The following PTGER3 variants were observed in gnomAD, a reference collection of about 807,000 sequenced individuals.
The protein encoded by PTGER3 is prostaglandin E2 receptor EP3 subtype.
PTGER3 carries 22 observed loss-of-function variants against 34.7 expected under a neutral mutation model. The observed-to-expected ratio is 0.63, with a 90% CI of 0.45 to 0.91. The LOEUF (loss-of-function observed/expected upper bound fraction) is 0.91. Ranked by LOEUF, PTGER3 falls within the 40% of genes least tolerant of loss-of-function variation. The pLI, the probability that PTGER3 is intolerant of heterozygous loss-of-function variation, is 0.00. For missense variants in PTGER3, 468 were observed against 519.4 expected (o/e 0.90, Z 0.96); for synonymous variants, 241 against 230.1 (o/e 1.05, Z -0.43).
chr1:70,977,892 A>G (rs941576587), intron 2 of PTGER3, among the ~76,000 whole-genome samples: 5 of 151,970 alleles, frequency 3.3e-5, no homozygotes, highest in Admixed American at 2.0e-4. Flanking sequence ...AGGTGCTCCT[A>G]ATTCCTCTCC....
intron 2 of PTGER3, among the ~76,000 whole-genome samples, chr1:70,996,351 A>G (rs572329254): frequency 6.6e-6 from 1 of 152,274 alleles, no homozygotes; most frequent in South Asian, 2.1e-4. Context: ...AATGTCTTTA[A>G]GAATAATTTT....
intron 1 of PTGER3, among the ~76,000 whole-genome samples, chr1:71,019,070 G>A (rs1658171088): frequency 6.6e-6 from 1 of 152,194 alleles, no homozygotes; most frequent in South Asian, 2.1e-4. Flanking sequence ...GCATCCATCT[G>A]TTGAGTCTTT....
intron 4 of PTGER3, among the ~76,000 whole-genome samples, chr1:70,929,553 T>C (rs972816373): frequency 1.3e-5 from 2 of 152,172 alleles, no homozygotes; most frequent in African/African-American, 4.8e-5. Flanking sequence ...AAAATAACAT[T>C]GCTTTTACCC....
At chr1:70,868,345 G>A (rs924271085) in intron 4 of PTGER3, among the ~76,000 whole-genome samples, 2 of 152,166 alleles carry the variant, frequency 1.3e-5, no homozygotes, top group South Asian at 2.1e-4. Context: ...ACTTATAATT[G>A]TCTATTGCCT....
intron 2 of PTGER3, among the ~76,000 whole-genome samples, chr1:70,955,472 C>A (rs182131044): frequency 1.3e-5 from 2 of 151,496 alleles, no homozygotes; most frequent in South Asian, 2.1e-4. Flanking sequence ...AGAGAGAAAG[C>A]GAGAAACAGA....
intron 4 of PTGER3, among the ~76,000 whole-genome samples, chr1:70,943,842 G>C (rs952843594): frequency 8.5e-6 from 1 of 117,584 alleles, no homozygotes; most frequent in African/African-American, 2.9e-5. Context: ...AAAAGGGAGA[G>C]AGAGGGAGAG....
chr1:70,964,191 C>T (rs936865913), intron 2 of PTGER3, among the ~76,000 whole-genome samples: 6 of 152,190 alleles, frequency 3.9e-5, no homozygotes, highest in African/African-American at 1.4e-4. Flanking sequence ...TTTCTGTCCT[C>T]TGAGCCCTCC....
chr1:70,886,295 G>A lies in PTGER3; in HGVS notation c.*24-33436C>T, dbSNP rs150911851. The A allele has an allele frequency of 5.0e-4, 224 of 451,682 alleles. 1 individual carries two copies. The highest frequency in any genetic ancestry group is 3.7e-3 in the African/African-American group (183 of 50,014). The allele number at this position is 451,682 out of a possible 1,614,324, so 28.0% of individuals were successfully genotyped here. A position where few individuals can be genotyped will look rare whatever the true frequency, so the allele number is the denominator to read the frequency against. ...GCACTCACCAGACACCGAATCTGCT[G>A]GCACCCTGATCCTGAACTTGCCGGC... On this transcript the variant is annotated intron_variant, in intron 4 of 4. Coordinates refer to the PTGER3 transcript ENST00000370931.
chr1:70,966,518 C>G (rs1050982187), downstream of PTGER3, among the ~76,000 whole-genome samples: 1 of 152,044 alleles, frequency 6.6e-6, no homozygotes, highest in Non-Finnish European at 1.5e-5. Flanking sequence ...ATGCACAAAA[C>G]GTGCAGGTTT....
chr1:70,866,111 C>T (rs559741458), intron 4 of PTGER3, among the ~76,000 whole-genome samples: 3 of 152,250 alleles, frequency 2.0e-5, no homozygotes, highest in Admixed American at 2.0e-4. Context: ...TCTGTCTGAA[C>T]GCCCGTCTTA....
chr1:70,986,120 GACAGTTT>G (rs1654886174), intron 2 of PTGER3, among the ~76,000 whole-genome samples: 1 of 152,100 alleles, frequency 6.6e-6, no homozygotes, highest in Non-Finnish European at 1.5e-5. Context: ...CCAGCACCAT[GACAGTTT>G]ACAAATGCCA....
chr1:70,869,751 T>G (rs1646123567), intron 4 of PTGER3, among the ~76,000 whole-genome samples: 1 of 152,196 alleles, frequency 6.6e-6, no homozygotes, highest in Non-Finnish European at 1.5e-5. Context: ...ATGCCCCATA[T>G]GCTGGACACA....
chr1:70,942,857 T>A (rs1250665963), intron 4 of PTGER3, among the ~76,000 whole-genome samples: 2 of 152,028 alleles, frequency 1.3e-5, no homozygotes, highest in Non-Finnish European at 2.9e-5. Context: ...AAAGAGAAGG[T>A]GTTCACCTGC....
chr1:70,908,761 C>T (rs1326345829), intron 4 of PTGER3, among the ~76,000 whole-genome samples: 7 of 152,176 alleles, frequency 4.6e-5, no homozygotes, highest in Non-Finnish European at 8.8e-5. Flanking sequence ...CTCACAAATG[C>T]CCCCAAAGGC....
intron 4 of PTGER3, among the ~76,000 whole-genome samples, chr1:70,906,126 A>G (rs1417783663): frequency 6.6e-6 from 1 of 152,166 alleles, no homozygotes; most frequent in Non-Finnish European, 1.5e-5. Context: ...GCCTTCCACC[A>G]TGATTCTGAG....
At chr1:70,897,259 G>C (rs763626010) in intron 4 of PTGER3, among the ~76,000 whole-genome samples, 1 of 152,098 alleles carries the variant, frequency 6.6e-6, no homozygotes, top group Non-Finnish European at 1.5e-5. Context: ...TGCTTGAAGG[G>C]GTTGAAGTGT....
At chr1:70,869,826 T>C (rs1646125890) in intron 4 of PTGER3, among the ~76,000 whole-genome samples, 2 of 152,158 alleles carry the variant, frequency 1.3e-5, no homozygotes, top group Admixed American at 1.3e-4. Flanking sequence ...CAGGGTTCGG[T>C]CCCTGTGGTT....
chr1:70,918,700 A>G (rs189464451), intron 4 of PTGER3, among the ~76,000 whole-genome samples: 2 of 152,142 alleles, frequency 1.3e-5, no homozygotes, highest in African/African-American at 4.8e-5. Flanking sequence ...AAAACATTAG[A>G]ATAGGTGATC....
At chr1:71,014,726 A>G (rs1006437889) in intron 1 of PTGER3, among the ~76,000 whole-genome samples, 5 of 152,186 alleles carry the variant, frequency 3.3e-5, no homozygotes, top group Non-Finnish European at 5.9e-5. Flanking sequence ...GGGCACCTTG[A>G]TCTTAGAATC....
Sources: allele counts gnomAD v4.1 joint callset (sites outside exome capture counted in the v4.1 genomes callset), GRCh38; gene constraint gnomAD v4.1.1; transcripts MANE v1.5; gene names NCBI Gene and HGNC (gene_info 2026-07-23, HGNC 2026-07-21).